HCN1: variants seen among roughly 807,000 people sequenced by gnomAD.
The protein encoded by HCN1 is potassium/sodium hyperpolarization-activated cyclic nucleotide-gated channel 1.
HCN1 carries 13 observed loss-of-function variants against 78.9 expected under a neutral mutation model. The observed-to-expected ratio is 0.16, with a 90% CI of 0.11 to 0.26. The LOEUF (loss-of-function observed/expected upper bound fraction) is 0.26. Ranked by LOEUF, HCN1 falls within the 10% of genes least tolerant of loss-of-function variation. HCN1 has a pLI of 1.00. For missense variants in HCN1, 810 were observed against 1,154.3 expected (o/e 0.70, Z 4.32); for synonymous variants, 552 against 455.5 (o/e 1.21, Z -2.70).
intron 2 of HCN1, among the ~76,000 whole-genome samples, chr5:45,625,015 A>T (rs1403661947): frequency 6.6e-6 from 1 of 152,136 alleles, no homozygotes; most frequent in Non-Finnish European, 1.5e-5. Flanking sequence ...GTTTGATCTA[A>T]TAGTGTGTAG....
intron 2 of HCN1, among the ~76,000 whole-genome samples, chr5:45,585,295 T>C (rs147617777): frequency 0.021 from 3,207 of 152,302 alleles, 48 homozygotes; most frequent in Non-Finnish European, 0.032. Flanking sequence ...CCATCACTGA[T>C]ACTCTTTCTT....
chr5:45,320,870 G>A (rs533039899), intron 5 of HCN1, among the ~76,000 whole-genome samples: 14 of 151,786 alleles, frequency 9.2e-5, no homozygotes, highest in Non-Finnish European at 1.8e-4. Flanking sequence ...ATTTCTATTC[G>A]TCACAGTTTT....
At chr5:45,583,099 G>T (rs1226021675) in intron 2 of HCN1, among the ~76,000 whole-genome samples, 2 of 152,106 alleles carry the variant, frequency 1.3e-5, no homozygotes, top group Admixed American at 1.3e-4. Context: ...CAGAAGGAAT[G>T]GTACCAGCTC....
chr5:45,529,536 G>A lies in HCN1; in HGVS notation c.850-67529C>T, dbSNP rs142153558. 9.7e-4 allele frequency among the ~76,000 whole-genome samples: 147 copies of A among 152,054 alleles called. 1 individual carries two copies. The East Asian group carries it at 0.013, about 14-fold the overall frequency. On this transcript the variant is annotated intron_variant, in intron 2 of 7. Coordinates refer to ENST00000303230, the MANE Select transcript of HCN1 (RefSeq NM_021072.4). ...ATATTGTGTAATCTGCAGGGAAGGC[G>A]TTAGAAATTAATGATGACTCTGGAA...
At chr5:45,351,667 A>AC (rs1746905989) in intron 5 of HCN1, among the ~76,000 whole-genome samples, 1 of 143,820 alleles carries the variant, frequency 7.0e-6, no homozygotes, top group African/African-American at 2.8e-5. Flanking sequence ...AATGAACTCA[A>AC]ACAAATTTAT....
Position 45,658,503 on chromosome 5 carries a change from TGAA to T in HCN1, c.426-12898_426-12896del, listed in dbSNP as rs1338469491. ...AGTCTACAGCTCCCAGCGTGAGCGA[TGAA>T]GAAGATGGGTGATTTCTGCATTTCC... On this transcript the variant is annotated intron_variant, in intron 1 of 7. Transcript: ENST00000303230. Among the ~76,000 whole-genome samples, 5 of 152,258 alleles carry T rather than the reference TGAA, an allele frequency of 3.3e-5. No homozygotes were observed. The East Asian group carries it at 9.7e-4, about 30-fold the overall frequency.
At chr5:45,311,619 T>G (rs1561099950) in intron 5 of HCN1, among the ~76,000 whole-genome samples, 1 of 152,184 alleles carries the variant, frequency 6.6e-6, no homozygotes, top group African/African-American at 2.4e-5. Flanking sequence ...ATGGCATAAG[T>G]GTTATGATCC....
chr5:45,431,273 C>A (rs1378001679), intron 3 of HCN1, among the ~76,000 whole-genome samples: 2 of 152,002 alleles, frequency 1.3e-5, no homozygotes, highest in Admixed American at 1.3e-4. Context: ...ATGTCCTTTG[C>A]CCTCTTTTTA....
At chr5:45,491,716 G>C (rs1352791242) in intron 2 of HCN1, among the ~76,000 whole-genome samples, 1 of 152,024 alleles carries the variant, frequency 6.6e-6, no homozygotes, top group African/African-American at 2.4e-5. Context: ...CTTTATTTTA[G>C]CTGGAAAAAT....
intron 3 of HCN1, among the ~76,000 whole-genome samples, chr5:45,411,582 T>C (rs949036487): frequency 1.3e-5 from 2 of 151,940 alleles, no homozygotes; most frequent in Non-Finnish European, 1.5e-5. Context: ...CTATTTTTTA[T>C]GGCACAGAGA....
chr5:45,408,487 A>C (rs930964929), intron 3 of HCN1, among the ~76,000 whole-genome samples: 16 of 152,318 alleles, frequency 1.1e-4, no homozygotes, highest in African/African-American at 3.8e-4. Flanking sequence ...GCCTAGGAGC[A>C]ATAGGCCATA....
chr5:45,428,901 G>A (rs186574805), intron 3 of HCN1, among the ~76,000 whole-genome samples: 450 of 152,142 alleles, frequency 3.0e-3, no homozygotes, highest in Middle Eastern at 0.014. Context: ...TCGGAAAAGT[G>A]CATAAGGAAG....
Position 45,461,867 on chromosome 5 carries a change from C to T in HCN1, c.990G>A (p.Trp330Ter). 6.2e-7 allele frequency: 1 copy of T among 1,613,224 alleles called. No homozygotes were observed. ...PLLQDFPPDC[W>*]VSLNEMVNDS... ...TTACAACCATTTCATTTAAAGACACCCAGCAATCTGGTGGGAAGTCCTGCA... is the reference window on the plus strand; with the variant it reads ...TTACAACCATTTCATTTAAAGACACTCAGCAATCTGGTGGGAAGTCCTGCA... Residue 330 changes from tryptophan (W) to a stop codon, truncating the protein, a stop_gained, in exon 3 of 8, where the codon TGG (tryptophan) becomes TGA (stop). Transcript: ENST00000303230. LOFTEE classifies it high-confidence loss of function.
At chr5:45,419,394 C>G (rs147116675) in intron 3 of HCN1, among the ~76,000 whole-genome samples, 1 of 151,918 alleles carries the variant, frequency 6.6e-6, no homozygotes, top group Non-Finnish European at 1.5e-5. Context: ...TAATTAGAAA[C>G]CTAAAGGAGT....
chr5:45,691,194 A>T (rs1739908773), intron 1 of HCN1, among the ~76,000 whole-genome samples: 1 of 151,858 alleles, frequency 6.6e-6, no homozygotes, highest in South Asian at 2.1e-4. Flanking sequence ...CAGTGCATTT[A>T]AATTTCTTTC....
At chr5:45,391,869 T>C (rs900545408) in intron 4 of HCN1, among the ~76,000 whole-genome samples, 6 of 152,036 alleles carry the variant, frequency 3.9e-5, no homozygotes, top group African/African-American at 1.4e-4. Context: ...AACAAATGAC[T>C]ATACAATGGC....
intron 5 of HCN1, among the ~76,000 whole-genome samples, chr5:45,317,401 T>G (rs1219851658): frequency 2.6e-5 from 4 of 152,180 alleles, no homozygotes; most frequent in African/African-American, 9.6e-5. Flanking sequence ...CCTTACACCT[T>G]ATACAAAAAT....
intron 1 of HCN1, among the ~76,000 whole-genome samples, chr5:45,684,726 T>C (rs892266197): frequency 1.3e-5 from 2 of 152,016 alleles, no homozygotes; most frequent in Non-Finnish European, 2.9e-5. Context: ...CTAGGTGTGG[T>C]TGGTGCATGC....
chr5:45,646,912 A>G (rs1377689006), intron 1 of HCN1, among the ~76,000 whole-genome samples: 1 of 152,168 alleles, frequency 6.6e-6, no homozygotes, highest in African/African-American at 2.4e-5. Context: ...CTTCCATGAT[A>G]AAAATGTCTG....
Sources: allele counts gnomAD v4.1 joint callset (sites outside exome capture counted in the v4.1 genomes callset), GRCh38; gene constraint gnomAD v4.1.1; transcripts MANE v1.5; gene names NCBI Gene and HGNC (gene_info 2026-07-23, HGNC 2026-07-21).